KCTD17: variants seen among roughly 807,000 people sequenced by gnomAD.
KCTD17 encodes BTB/POZ domain-containing protein KCTD17.
In KCTD17, 20 loss-of-function variants were observed where a neutral mutation model predicts 41.5. That is an observed-to-expected ratio of 0.48 (90% CI 0.34 to 0.70). The LOEUF (loss-of-function observed/expected upper bound fraction) is 0.70. Ranked by LOEUF, KCTD17 falls within the 30% of genes least tolerant of loss-of-function variation. KCTD17 has a pLI of 0.01. For missense variants in KCTD17, 317 were observed against 427.2 expected, an observed-to-expected ratio of 0.74 and a Z score of 2.27; for synonymous variants, 156 against 173.8, an observed-to-expected ratio of 0.90 and a Z score of 0.80.
chr22:37,052,210 T>A, intron 1 of KCTD17: 1 of 453,866 alleles, frequency 2.2e-6, no homozygotes, highest in Non-Finnish European at 3.9e-6. Context: ...GGCCTCTCCT[T>A]CTCCTTTGGG....
At chr22:37,060,335 G>A (rs1008884360) in intron 5 of KCTD17, among the ~76,000 whole-genome samples, 51 of 149,718 alleles carry the variant, frequency 3.4e-4, no homozygotes, top group African/African-American at 1.2e-3. Flanking sequence ...ACGCTGCCCT[G>A]CAAGGGTGCA....
rs770794932 is a variant in KCTD17, at chr22:37,061,596, G to A, written c.842G>A (p.Arg281Gln). The part of the protein sequence containing the change: ...EAELAVRASP[R>Q]PLARPQSCHP... Reference sequence around the variant, plus strand: ...GAGCTTGCAGTGAGGGCTTCTCCTCGGCCCCTCGCCCGCCCCCAGAGCTGC... The same window carrying A: ...GAGCTTGCAGTGAGGGCTTCTCCTCAGCCCCTCGCCCGCCCCCAGAGCTGC... The change falls in exon 8 of 9, where the codon CGG becomes CAG. Residue 281 changes from arginine (R) to glutamine (Q), a missense_variant. Arg to Gln is a conservative substitution (Grantham distance 43). Coordinates refer to ENST00000403888, the MANE Select transcript of KCTD17 (RefSeq NM_001282684.2). The surrounding 1 kb of genome is among the most constrained non-coding windows in gnomAD (Gnocchi z 6.6). 1.5e-5 allele frequency: 24 copies of A among 1,600,666 alleles called. No homozygotes were observed. Among genetic ancestry groups the A allele is most frequent in the South Asian group, 8.8e-5 (8 of 90,818 alleles).
chr22:37,058,403 C>T (rs1925384278), intron 4 of KCTD17, among the ~76,000 whole-genome samples: 1 of 152,234 alleles, frequency 6.6e-6, no homozygotes, highest in Admixed American at 6.5e-5. Context: ...AGTGGGCTAA[C>T]AGTACCTCCT....
rs1925947085 is a variant in KCTD17, at chr22:37,062,756, C to T, written c.*162C>T. 3 of 1,434,372 alleles carry T rather than the reference C, an allele frequency of 2.1e-6. No homozygotes were observed. The highest frequency in any genetic ancestry group is 2.7e-6 in the Non-Finnish European group (3 of 1,092,834). 88.9% of individuals were successfully genotyped at this position (1,434,372 alleles called of 1,614,324 possible). On this transcript the variant is annotated 3_prime_UTR_variant, in exon 9 of 9. Coordinates refer to ENST00000403888, the MANE Select transcript of KCTD17 (RefSeq NM_001282684.2). ...ACCTCTTAAGGCCCAAGGTGGGCCCCAGGACCTCTGGGCAGAGTGGACTGC... is the reference window on the plus strand; with the variant it reads ...ACCTCTTAAGGCCCAAGGTGGGCCCTAGGACCTCTGGGCAGAGTGGACTGC...
rs1035043131 is a variant in KCTD17 at position 37,061,395 on chromosome 22, C to A, written c.785-144C>A. 1.0e-4 allele frequency: 154 copies of A among 1,472,880 alleles called. 1 individual carries two copies. The highest frequency in any genetic ancestry group is 1.3e-4 in the Non-Finnish European group (147 of 1,112,712). 91.2% of individuals were successfully genotyped at this position (1,472,880 alleles called of 1,614,324 possible). ...CCTGCGCCCCTTCTGGTACCTCCTG[C>A]CTCCCAGCCTGGGGAGGAGGGGCGC... On this transcript the variant is annotated intron_variant, in intron 7 of 8. Transcript: ENST00000403888. The surrounding 1 kb of genome is among the most constrained non-coding windows in gnomAD (Gnocchi z 6.6).
chr22:37,058,298 G>C (rs1925373531), intron 4 of KCTD17, among the ~76,000 whole-genome samples: 1 of 152,248 alleles, frequency 6.6e-6, no homozygotes, highest in Non-Finnish European at 1.5e-5. Flanking sequence ...TGCAGAGCCA[G>C]AGGCCTGGCT....
At chr22:37,055,524 GC>G (rs1924998816) in intron 2 of KCTD17, among the ~76,000 whole-genome samples, 1 of 152,178 alleles carries the variant, frequency 6.6e-6, no homozygotes, top group Admixed American at 6.5e-5. Flanking sequence ...CAAGGAAAGG[GC>G]CCAAAGGTCC....
intron 8 of KCTD17, chr22:37,062,315 TCC>T: frequency 2.0e-6 from 2 of 983,526 alleles, no homozygotes; most frequent in Non-Finnish European, 2.4e-6. Context: ...CCCTTGCTGC[TCC>T]CCCCAACTCA....
rs754379400 is a variant in KCTD17 at position 37,062,535 on chromosome 22, C to G, written c.886C>G (p.Pro296Ala). ...PQSCHPCCYK[P>A]EAPGCEAPDH... ...CTCTTTTTTTTCTAGCTGTTACAAG[C>G]CAGAGGCACCCGGATGTGAGGCCCC... Residue 296 changes from proline to alanine, a missense_variant, in exon 9 of 9, where the codon CCA (proline) becomes GCA (alanine). By Grantham distance (27) the Pro-to-Ala change is conservative (BLOSUM62 -1). This residue lies in a region of KCTD17 where 177 missense variants were observed against 194.4 expected (regional missense o/e 0.91). Transcript: ENST00000403888. The G allele has an allele frequency of 8.1e-6, 13 of 1,613,066 alleles. No individual in the cohort carries two copies. Among genetic ancestry groups the G allele is most frequent in the Middle Eastern group, 1.7e-4 (1 of 5,880 alleles).
At position 37,061,785 on chromosome 22, in the gene KCTD17, A is replaced by G. The variant is rs766251975; in HGVS notation, c.875+156A>G. On this transcript the variant is annotated intron_variant, in intron 8 of 8. Transcript: ENST00000403888. This position sits in a 1 kb window ranked among gnomAD's most constrained non-coding sequence, Gnocchi z 6.6. ...GGGGGTGAGGCTCTGAGAGGAGAAG[A>G]AAGTTAGGGAGTGGGAACTTTCCTA... 3.4e-4 allele frequency: 337 copies of G among 985,258 alleles called. No homozygotes were observed. Among genetic ancestry groups the G allele is most frequent in the Non-Finnish European group, 4.0e-4 (335 of 829,920 alleles). 61.0% of individuals were successfully genotyped at this position (985,258 alleles called of 1,614,324 possible).
In KCTD17 at chr22:37,053,772, G is replaced by A. The variant is rs1251965206; in HGVS notation, c.298+564G>A. Among the ~76,000 whole-genome samples, 1 of 152,166 alleles carries A rather than the reference G, an allele frequency of 6.6e-6. No homozygotes were observed. The highest frequency in any genetic ancestry group is 2.4e-5 in the African/African-American group (1 of 41,442). ...CCCAGTGGGGCTTTGGTTATCCCCA[G>A]GCCTAGGTGGCCGAGGCCCTGGATA... On this transcript the variant is annotated intron_variant, in intron 2 of 8. Coordinates refer to ENST00000403888, the MANE Select transcript of KCTD17 (RefSeq NM_001282684.2). The surrounding 1 kb of genome is among the most constrained non-coding windows in gnomAD (Gnocchi z 4.1).
chr22:37,052,098 G>A (rs946757764), intron 1 of KCTD17, 149 bp downstream of exon 1: 1 of 1,012,404 alleles, frequency 9.9e-7, no homozygotes. Context: ...CAGGAGGAGG[G>A]GAGGGGGAGG....
intron 5 of KCTD17, among the ~76,000 whole-genome samples, chr22:37,059,680 A>G (rs918992735): frequency 6.6e-6 from 1 of 152,138 alleles, no homozygotes; most frequent in African/African-American, 2.4e-5. Context: ...CAGAGGCTAC[A>G]TGAAGGGGGC....
rs1460767334 is a variant in KCTD17 at position 37,062,917 on chromosome 22, G to T, written c.*323G>T. On this transcript the variant is annotated 3_prime_UTR_variant, in exon 9 of 9. Coordinates refer to ENST00000403888, the MANE Select transcript of KCTD17 (RefSeq NM_001282684.2). Reference sequence around the variant, plus strand: ...GCCTCCTTGAGCCTTAGTCCAGGGGGTCACTCCTCCCACCCCACCTACCTC... The same window carrying T: ...GCCTCCTTGAGCCTTAGTCCAGGGGTTCACTCCTCCCACCCCACCTACCTC... 3 of 384,078 alleles carry T rather than the reference G, an allele frequency of 7.8e-6. No individual in the cohort carries two copies. The highest frequency in any genetic ancestry group is 5.1e-5 in the East Asian group (1 of 19,464). 23.8% of individuals were successfully genotyped at this position (384,078 alleles called of 1,614,324 possible).
At position 37,061,213 on chromosome 22, in the gene KCTD17, G is replaced by T; in HGVS notation, c.784+38G>T. ...CTTCATCCACCTCTTCTTCCTCCTG[G>T]ATCTCATCTGCACCCTGCCTCTTCC... On this transcript the variant is annotated intron_variant, in intron 7 of 8. Transcript: ENST00000403888. The surrounding 1 kb of genome is among the most constrained non-coding windows in gnomAD (Gnocchi z 6.6). 6.5e-7 allele frequency: 1 copy of T among 1,550,008 alleles called. No homozygotes were observed.
chr22:37,058,346 TGG>T (rs2145981631), intron 4 of KCTD17, among the ~76,000 whole-genome samples: 1 of 152,372 alleles, frequency 6.6e-6, no homozygotes, highest in Admixed American at 6.5e-5. Flanking sequence ...CCTGCCACCT[TGG>T]GCAAGTTACA....
chr22:37,061,158 C>T lies in KCTD17; in HGVS notation c.767C>T (p.Pro256Leu). Residue 256 changes from proline (P) to leucine (L), a missense_variant, in exon 7 of 9, where the codon CCT (proline) becomes CTT (leucine). Physicochemically the swap from Pro to Leu is moderately conservative, Grantham distance 98. This residue lies in a region of KCTD17 where 177 missense variants were observed against 194.4 expected (regional missense o/e 0.91). Transcript: ENST00000403888. The surrounding 1 kb of genome is among the most constrained non-coding windows in gnomAD (Gnocchi z 6.6). ...TTCTCCCTCCCACCACTGCCTCCTC[C>T]TCCGCTTCCCGCTGGAGGTCCTGCC... ...NLFSLPPLPP[P>L]PLPAGGSRPH... The T allele has an allele frequency of 3.2e-6, 5 of 1,551,250 alleles. No homozygotes were observed. Among genetic ancestry groups the T allele is most frequent in the Non-Finnish European group, 4.4e-6 (5 of 1,146,962 alleles).
rs1303613235 is a variant in KCTD17 at position 37,053,333 on chromosome 22, A to G, written c.298+125A>G. On this transcript the variant is annotated intron_variant, in intron 2 of 8. Transcript: ENST00000403888. The surrounding 1 kb of genome is among the most constrained non-coding windows in gnomAD (Gnocchi z 4.1). Reference sequence around the variant, plus strand: ...GCTTGGTTGTTTCCTGCCTCTTCCCAGTCGGACGGGGCTGATTCCCAAGCA... The same window carrying G: ...GCTTGGTTGTTTCCTGCCTCTTCCCGGTCGGACGGGGCTGATTCCCAAGCA... 1.4e-6 allele frequency: 1 copy of G among 729,750 alleles called. No individual in the cohort carries two copies. The highest frequency in any genetic ancestry group is 2.3e-6 in the Non-Finnish European group (1 of 429,694). The allele number at this position is 729,750 out of a possible 1,614,324, so 45.2% of individuals were successfully genotyped here.
In KCTD17 at chr22:37,053,808, C is replaced by T. The variant is rs573956574; in HGVS notation, c.298+600C>T. ...CCGAGGCCCTGGATATGCCCATATC[C>T]GGGCCTAACAAACAGTGGGGAGGCC... On this transcript the variant is annotated intron_variant, in intron 2 of 8. Coordinates refer to ENST00000403888, the MANE Select transcript of KCTD17 (RefSeq NM_001282684.2). This position sits in a 1 kb window ranked among gnomAD's most constrained non-coding sequence, Gnocchi z 4.1. Among the ~76,000 whole-genome samples the T allele has an allele frequency of 1.3e-5, 2 of 152,268 alleles. No homozygotes were observed. The highest frequency in any genetic ancestry group is 2.4e-5 in the African/African-American group (1 of 41,546).
Sources: gnomAD v4.1 joint callset for allele counts (sites outside exome capture counted in the v4.1 genomes callset) on GRCh38, gnomAD v4.1.1 for gene constraint, gnomAD v4.1.1 regional missense constraint, Gnocchi (gnomAD v3.1) non-coding constraint, MANE v1.5 for transcripts, NCBI Gene and HGNC (gene_info 2026-07-23, HGNC 2026-07-21) for gene names.